Variants in FERMT2 observed in about 807,000 individuals in gnomAD.
The protein encoded by FERMT2 is fermitin family homolog 2.
A neutral mutation model predicts 82.7 loss-of-function variants in FERMT2; 15 were observed. The ratio of observed to expected loss-of-function variants is 0.18; its 90% CI spans 0.12 to 0.28. The LOEUF is 0.28. FERMT2 is among the 10% of genes least tolerant of loss of function. The pLI is 1.00. For synonymous variants in FERMT2, 274 were observed against 271.5 expected (o/e 1.01, Z -0.09); for missense variants, 645 against 809.4 (o/e 0.80, Z 2.46).
At chr14:52,911,870 T>G (rs144424438) in intron 3 of FERMT2, among the ~76,000 whole-genome samples, 1 of 152,200 alleles carries the variant, frequency 6.6e-6, no homozygotes, top group East Asian at 1.9e-4. Context: ...AGCTGTTTTC[T>G]TATTTACTTT....
At position 52,934,848 on chromosome 14, in the gene FERMT2, C is replaced by T. The variant is rs530556716; in HGVS notation, c.158-15492G>A. 7.9e-5 allele frequency among the ~76,000 whole-genome samples: 12 copies of T among 152,278 alleles called. No individual in the cohort carries two copies. In the South Asian group the frequency reaches 2.5e-3, roughly 32 times the overall value. On this transcript the variant is annotated intron_variant, in intron 2 of 14. Transcript: ENST00000341590. ...TCAATTATCCATTTTTTTAAAACAT[C>T]ATGAGTTTCTCATGGGGGACAGAGA...
At position 52,864,820 on chromosome 14, in the gene FERMT2, C is replaced by A; in HGVS notation, c.1307G>T (p.Gly436Val). 6.2e-7 allele frequency: 1 copy of A among 1,611,516 alleles called. No homozygotes were observed. Among genetic ancestry groups the A allele is most frequent in the African/African-American group, 1.3e-5 (1 of 74,968 alleles). The change falls in exon 11 of 15, where the codon GGC becomes GTC. Residue 436 changes from glycine to valine, a missense_variant. Physicochemically the swap from Gly to Val is moderately radical, Grantham distance 109. Coordinates refer to ENST00000341590, the MANE Select transcript of FERMT2 (RefSeq NM_006832.3). ...CEVTPDVNIS[G>V]QKFNIKLLIP... ...CAGGAGTTTAATGTTAAATTTTTGG[C>A]CTGAAATGTTTACATCTGGGGTAAC...
At chr14:52,950,215 C>G (rs1327821108) in intron 2 of FERMT2, among the ~76,000 whole-genome samples, 197 bp downstream of exon 2, 1 of 152,170 alleles carries the variant, frequency 6.6e-6, no homozygotes, top group Admixed American at 6.5e-5. Context: ...TATGAAAATT[C>G]AGAGAATAGC....
At chr14:52,883,879 G>T (rs1886431970) in intron 4 of FERMT2, among the ~76,000 whole-genome samples, 1 of 152,082 alleles carries the variant, frequency 6.6e-6, no homozygotes, top group South Asian at 2.1e-4. Context: ...CCAGCCACGT[G>T]AAGTGCTGGC....
intron 9 of FERMT2, 105 bp from the exon 10 acceptor site, chr14:52,873,028 A>G: frequency 2.7e-6 from 3 of 1,091,578 alleles, no homozygotes; most frequent in Non-Finnish European, 4.0e-6. Context: ...GTCAAGTTTT[A>G]CACGTGCTGA....
At chr14:52,863,911 A>T (rs1161060271) in intron 12 of FERMT2, among the ~76,000 whole-genome samples, 1 of 152,216 alleles carries the variant, frequency 6.6e-6, no homozygotes, top group African/African-American at 2.4e-5. Flanking sequence ...TGTCTGAAAG[A>T]ACACCATGTT....
intron 2 of FERMT2, 151 bp downstream of exon 2, chr14:52,950,261 C>T: frequency 1.4e-6 from 1 of 740,338 alleles, no homozygotes; most frequent in South Asian, 1.8e-5. Flanking sequence ...ACAGGTCTAT[C>T]TGCTTAAATA....
chr14:52,950,018 T>C (rs1450690537), intron 2 of FERMT2, among the ~76,000 whole-genome samples: 1 of 152,184 alleles, frequency 6.6e-6, no homozygotes, highest in Non-Finnish European at 1.5e-5. Flanking sequence ...CAAACGTCAC[T>C]AACATTCAGG....
Position 52,857,843 on chromosome 14 carries a change from C to G in FERMT2, c.*534G>C, listed in dbSNP as rs560506931. On this transcript the variant is annotated 3_prime_UTR_variant, in exon 15 of 15. Coordinates refer to ENST00000341590, the MANE Select transcript of FERMT2 (RefSeq NM_006832.3). ...AAGGACAAAAACAAATCAAGCACGA[C>G]GGACTAATAGCATTTTCCTTCAAGG... The G allele has an allele frequency of 6.5e-6, 1 of 153,434 alleles. No individual in the cohort carries two copies. Among genetic ancestry groups the G allele is most frequent in the Non-Finnish European group, 1.5e-5 (1 of 68,606 alleles). The allele number at this position is 153,434 out of a possible 1,614,324, so 9.5% of individuals were successfully genotyped here.
intron 2 of FERMT2, among the ~76,000 whole-genome samples, chr14:52,942,066 T>C (rs1041388406): frequency 6.6e-6 from 1 of 152,006 alleles, no homozygotes; most frequent in African/African-American, 2.4e-5. Context: ...TTTTGAGGAG[T>C]GCAATTCCCC....
At chr14:52,882,574 G>C (rs1238033294) in intron 4 of FERMT2, among the ~76,000 whole-genome samples, 1 of 152,118 alleles carries the variant, frequency 6.6e-6, no homozygotes, top group Non-Finnish European at 1.5e-5. Context: ...TTGTCCTGTT[G>C]TCATAATTTT....
At chr14:52,915,907 C>T (rs1188740725) in intron 3 of FERMT2, among the ~76,000 whole-genome samples, 1 of 152,142 alleles carries the variant, frequency 6.6e-6, no homozygotes, top group Admixed American at 6.5e-5. Context: ...GAAGAATGGA[C>T]GAACAGACAT....
chr14:52,929,558 C>T (rs1167899822), intron 2 of FERMT2, among the ~76,000 whole-genome samples: 1 of 152,218 alleles, frequency 6.6e-6, no homozygotes, highest in Non-Finnish European at 1.5e-5. Context: ...TCTTCCTTTG[C>T]TCCAGCCACA....
intron 10 of FERMT2, among the ~76,000 whole-genome samples, chr14:52,869,602 T>C (rs1312329244): frequency 6.6e-6 from 1 of 152,168 alleles, no homozygotes; most frequent in Non-Finnish European, 1.5e-5. Context: ...CTGCCAGTAA[T>C]AGAAAGATGT....
intron 3 of FERMT2, among the ~76,000 whole-genome samples, chr14:52,894,704 C>CAT (rs1296154055): frequency 5.9e-5 from 9 of 151,878 alleles, no homozygotes; most frequent in South Asian, 2.1e-4. Flanking sequence ...AACAATGATT[C>CAT]ATATATATAT....
chr14:52,916,582 A>G lies in FERMT2; in HGVS notation c.391+2541T>C, dbSNP rs1888627101. ...CACAGAAGATTTTTAGGACAGTCAAACTATTCTGTACAATACCACAACAGT... is the reference window on the plus strand; with the variant it reads ...CACAGAAGATTTTTAGGACAGTCAAGCTATTCTGTACAATACCACAACAGT... On this transcript the variant is annotated intron_variant, in intron 3 of 14. Coordinates refer to ENST00000341590, the MANE Select transcript of FERMT2 (RefSeq NM_006832.3). 2.6e-5 allele frequency among the ~76,000 whole-genome samples: 4 copies of G among 152,172 alleles called. No homozygotes were observed. In the South Asian group the frequency reaches 8.3e-4, roughly 31 times the overall value.
At chr14:52,947,639 T>C (rs939261005) in intron 2 of FERMT2, among the ~76,000 whole-genome samples, 95 of 152,306 alleles carry the variant, frequency 6.2e-4, no homozygotes, top group African/African-American at 2.2e-3. Flanking sequence ...CTGACACATA[T>C]TAAGGAAACA....
intron 2 of FERMT2, among the ~76,000 whole-genome samples, chr14:52,940,534 G>T (rs1670842462): frequency 6.6e-6 from 1 of 152,160 alleles, no homozygotes; most frequent in Admixed American, 6.5e-5. Flanking sequence ...TATGGCTGTA[G>T]ATATATTTAA....
chr14:52,881,057 G>T lies in FERMT2; in HGVS notation c.834C>A (p.Ser278Arg). The T allele has an allele frequency of 6.2e-7, 1 of 1,610,492 alleles. No homozygotes were observed. The highest frequency in any genetic ancestry group is 8.5e-7 in the Non-Finnish European group (1 of 1,177,974). The part of the protein sequence containing the change: ...EALLLRFKYY[S>R]FFDLNPKYDA... ...GTACCTTTGGATTCAAATCAAAAAAGCTGTAATACTTGAATCGGAGCAGCA... is the reference window on the plus strand; with the variant it reads ...GTACCTTTGGATTCAAATCAAAAAATCTGTAATACTTGAATCGGAGCAGCA... The change falls in exon 6 of 15, where the codon AGC becomes AGA. Residue 278 changes from serine to arginine, a missense_variant. Ser to Arg is a moderately radical substitution (Grantham distance 110). Coordinates refer to ENST00000341590, the MANE Select transcript of FERMT2 (RefSeq NM_006832.3).
Sources: gnomAD v4.1 joint callset for allele counts (sites outside exome capture counted in the v4.1 genomes callset) on GRCh38, gnomAD v4.1.1 for gene constraint, MANE v1.5 for transcripts, NCBI Gene and HGNC (gene_info 2026-07-23, HGNC 2026-07-21) for gene names.